Variants in ZC3H7A observed in about 807,000 individuals in gnomAD.
The protein encoded by ZC3H7A is zinc finger CCCH-type containing 7A.
Under a neutral mutation model 125.5 loss-of-function variants are expected in ZC3H7A, and 44 were observed. The ratio of observed to expected loss-of-function variants is 0.35; its 90% CI spans 0.28 to 0.45. ZC3H7A has a LOEUF of 0.45. ZC3H7A is among the 20% of genes least tolerant of loss of function. The pLI is 1.00. For missense variants in ZC3H7A, 977 were observed against 1,170.7 expected, an observed-to-expected ratio of 0.83 and a Z score of 2.41; for synonymous variants, 399 against 391.2, an observed-to-expected ratio of 1.02 and a Z score of -0.23.
At chr16:11,752,318 G>A (rs1424282302) in intron 22 of ZC3H7A, among the ~76,000 whole-genome samples, 1 of 152,232 alleles carries the variant, frequency 6.6e-6, no homozygotes, top group African/African-American at 2.4e-5. Context: ...CAAATCTGAT[G>A]AACATTTACT....
intron 2 of ZC3H7A, 37 bp downstream of exon 2, chr16:11,782,250 G>C (rs1473640311): frequency 2.5e-6 from 4 of 1,611,408 alleles, no homozygotes; most frequent in Non-Finnish European, 3.4e-6. Context: ...CAAAGAATTA[G>C]GACGCGGCAA....
rs370659675 is a variant in ZC3H7A at position 11,777,625 on chromosome 16, G to A, written c.307-716C>T. ...TAATCCCAGCACTCGGGAGGCTGAA[G>A]CAGGAAAATCACTTGAACCCAGGAG... is the stretch of plus-strand genomic sequence containing the variant. On this transcript the variant is annotated intron_variant, in intron 4 of 22. Transcript: ENST00000355758. Among the ~76,000 whole-genome samples, 52 of 152,274 alleles carry A rather than the reference G, an allele frequency of 3.4e-4. 1 individual carries two copies. Among genetic ancestry groups the A allele is most frequent in the Admixed American group, 1.0e-3 (16 of 15,280 alleles).
In ZC3H7A at chr16:11,785,660, C is replaced by T. The variant is rs537707629; in HGVS notation, c.-34-3272G>A. ...TTTTGAGACAGAGTCTCACTTGTCA[C>T]GCAGGCTGGAGTGCAGTGGCACGAT... On this transcript the variant is annotated intron_variant, in intron 1 of 22. Transcript: ENST00000355758. Among the ~76,000 whole-genome samples the T allele has an allele frequency of 3.3e-5, 5 of 152,244 alleles. No individual in the cohort carries two copies. In the South Asian group the frequency reaches 8.3e-4, roughly 25 times the overall value.
chr16:11,761,341 C>T (rs1228006181), intron 19 of ZC3H7A, 65 bp downstream of exon 19: 16 of 1,408,686 alleles, frequency 1.1e-5, no homozygotes, highest in Non-Finnish European at 1.6e-5. Flanking sequence ...ATCTGAATTA[C>T]TACTATTTTC....
chr16:11,780,539 A>G (rs1230907935), intron 3 of ZC3H7A, among the ~76,000 whole-genome samples: 2 of 152,216 alleles, frequency 1.3e-5, no homozygotes, highest in African/African-American at 2.4e-5. Context: ...TGATTAAATT[A>G]TTTTAGAAGA....
At chr16:11,773,335 T>C (rs1241657306) in intron 9 of ZC3H7A, among the ~76,000 whole-genome samples, 1 of 151,962 alleles carries the variant, frequency 6.6e-6, no homozygotes, top group Non-Finnish European at 1.5e-5. Context: ...CGCACCACTA[T>C]GCCAGGCTGT....
intron 1 of ZC3H7A, among the ~76,000 whole-genome samples, chr16:11,788,908 G>C (rs998732632): frequency 1.3e-5 from 2 of 152,016 alleles, no homozygotes; most frequent in African/African-American, 4.8e-5. Flanking sequence ...CACCACGCTC[G>C]GCCTCACAAA....
At position 11,797,217 on chromosome 16, in the gene ZC3H7A, G is replaced by C. The variant is rs1277213147; in HGVS notation, c.-128C>G. On this transcript the variant is annotated 5_prime_UTR_variant, in exon 1 of 23. Coordinates refer to ENST00000355758, the MANE Select transcript of ZC3H7A (RefSeq NM_014153.4). ...TGGCGGCGGCGGCGGCGGGGCCTGG[G>C]TGCTCGCTCGCAGCTCTCCCTCGGT... 6.6e-6 allele frequency: 1 copy of C among 151,940 alleles called. No individual in the cohort carries two copies. Among genetic ancestry groups the C allele is most frequent in the Non-Finnish European group, 1.5e-5 (1 of 68,592 alleles). 9.4% of individuals were successfully genotyped at this position (151,940 alleles called of 1,614,324 possible).
At chr16:11,761,861 C>A (rs770561784) in intron 18 of ZC3H7A, 49 bp downstream of exon 18, 7 of 1,600,376 alleles carry the variant, frequency 4.4e-6, no homozygotes, top group South Asian at 1.1e-5. Flanking sequence ...TTTATACCTA[C>A]GAAACAGAAA....
At position 11,781,634 on chromosome 16, in the gene ZC3H7A, G is replaced by GA. The variant is rs533320038; in HGVS notation, c.69-171dup. Reference sequence around the variant, plus strand: ...TATTCACAGATGACTACAGTTATGGGAAAAAAAATACATATACATATATAT... The same window carrying GA: ...TATTCACAGATGACTACAGTTATGGGAAAAAAAAATACATATACATATATAT... On this transcript the variant is annotated intron_variant, in intron 2 of 22. Transcript: ENST00000355758. Among the ~76,000 whole-genome samples the GA allele has an allele frequency of 1.4e-4, 18 of 125,136 alleles. 1 individual carries two copies. The South Asian group carries it at 3.9e-3, about 27-fold the overall frequency. 82.1% of individuals were successfully genotyped at this position (125,136 alleles called of 152,430 possible).
intron 19 of ZC3H7A, among the ~76,000 whole-genome samples, chr16:11,760,179 A>AG (rs1398523795): frequency 1.3e-5 from 2 of 151,064 alleles, no homozygotes; most frequent in African/African-American, 4.9e-5. Flanking sequence ...CTAGTATGGC[A>AG]GGGGAAAAAA....
chr16:11,776,579 G>A, intron 5 of ZC3H7A, 47 bp from the exon 6 acceptor site: 2 of 1,544,158 alleles, frequency 1.3e-6, no homozygotes, highest in Non-Finnish European at 1.8e-6. Flanking sequence ...ATTTACTAAT[G>A]GTGAAGAAGA....
chr16:11,769,401 G>A (rs2052928897), intron 10 of ZC3H7A, among the ~76,000 whole-genome samples: 1 of 152,078 alleles, frequency 6.6e-6, no homozygotes, highest in African/African-American at 2.4e-5. Context: ...AATGGGAAAA[G>A]AGCCTTTCCT....
In ZC3H7A at chr16:11,768,295, C is replaced by A. The variant is rs550992810; in HGVS notation, c.1360+20G>T. 4.8e-6 allele frequency: 7 copies of A among 1,455,928 alleles called. No individual in the cohort carries two copies. The highest frequency in any genetic ancestry group is 5.5e-6 in the Non-Finnish European group (6 of 1,090,082). The allele number at this position is 1,455,928 out of a possible 1,614,324, so 90.2% of individuals were successfully genotyped here. A position where few individuals can be genotyped will look rare whatever the true frequency, so the allele number is the denominator to read the frequency against. On this transcript the variant is annotated intron_variant, in intron 12 of 22. Transcript: ENST00000355758. ...TGAGCAAGTAGTTTAATACTCTCTG[C>A]GTGTTTGTTTGGTCCTGACCTGATT... is the stretch of plus-strand genomic sequence containing the variant.
intron 10 of ZC3H7A, among the ~76,000 whole-genome samples, chr16:11,769,784 CTTTTTTTT>C (rs200241879): frequency 0.29 from 17,519 of 61,066 alleles, 2,537 homozygotes; most frequent in East Asian, 0.58. Context: ...CAATTGCTTT[CTTTTTTTT>C]TTTTTTTTTT....
At chr16:11,759,718 T>C (rs1211097586) in intron 19 of ZC3H7A, 1 of 152,354 alleles carries the variant, frequency 6.6e-6, no homozygotes, top group Non-Finnish European at 1.5e-5. Flanking sequence ...GCTGAATAAC[T>C]TGACTGGGGC....
chr16:11,774,946 A>G (rs1248593875), intron 8 of ZC3H7A, 34 bp downstream of exon 8: 1 of 1,611,206 alleles, frequency 6.2e-7, no homozygotes, highest in East Asian at 2.2e-5. Flanking sequence ...AGCTGGCACT[A>G]TTCAAATTGT....
intron 9 of ZC3H7A, 109 bp from the exon 10 acceptor site, chr16:11,771,096 T>G: frequency 8.9e-7 from 1 of 1,129,632 alleles, no homozygotes; most frequent in South Asian, 1.6e-5. Context: ...GAGATCACGT[T>G]ACATAACAAA....
chr16:11,789,627 A>C (rs2053317430), intron 1 of ZC3H7A, among the ~76,000 whole-genome samples: 1 of 152,186 alleles, frequency 6.6e-6, no homozygotes, highest in Admixed American at 6.5e-5. Context: ...TGTAGTATCT[A>C]ATCAGTGTGT....
Sources: gnomAD v4.1 joint callset for allele counts (sites outside exome capture counted in the v4.1 genomes callset) on GRCh38, gnomAD v4.1.1 for gene constraint, MANE v1.5 for transcripts, NCBI Gene and HGNC (gene_info 2026-07-23, HGNC 2026-07-21) for gene names.